ANKRD36: variants seen among roughly 807,000 people sequenced by gnomAD.
ANKRD36 encodes the protein ankyrin repeat domain 36, also known as ankyrin repeat domain-containing protein 36A.
A neutral mutation model predicts 278.1 loss-of-function variants in ANKRD36; 179 were observed. That is an observed-to-expected ratio of 0.64 (90% confidence interval 0.57 to 0.73). The LOEUF is 0.73. Ranked by LOEUF, ANKRD36 falls within the 30% of genes least tolerant of loss-of-function variation. The pLI is 0.00. For synonymous variants in ANKRD36, 320 were observed against 641.1 expected, an observed-to-expected ratio of 0.50 and a Z score of 7.57; for missense variants, 1,159 against 1,956.7, an observed-to-expected ratio of 0.59 and a Z score of 7.69.
At chr2:97,202,724 A>G (rs2061731750) in intron 48 of ANKRD36, among the ~76,000 whole-genome samples, 1 of 151,828 alleles carries the variant, frequency 6.6e-6, no homozygotes, top group Non-Finnish European at 1.5e-5. Context: ...GAGAGGAAGT[A>G]TCGATTTTAC....
At chr2:97,218,902 T>G in intron 64 of ANKRD36, 148 bp from the exon 65 acceptor site, 1 of 1,233,498 alleles carries the variant, frequency 8.1e-7, no homozygotes, top group Non-Finnish European at 1.1e-6. Flanking sequence ...TCTATCATAT[T>G]ACTGTCCCAA....
At chr2:97,208,046 A>G (rs1467760517) in intron 54 of ANKRD36, 40 bp downstream of exon 54, 1 of 1,472,146 alleles carries the variant, frequency 6.8e-7, no homozygotes, top group East Asian at 2.5e-5. Context: ...TTCAGTGCAG[A>G]TAGATAAGAA....
chr2:97,185,220 G>A (rs2057139124), intron 28 of ANKRD36, 96 bp from the exon 29 acceptor site: 1 of 1,494,498 alleles, frequency 6.7e-7, no homozygotes, highest in Non-Finnish European at 9.2e-7. Context: ...ACTAATACAG[G>A]CAGGAGCATA....
At chr2:97,199,957 A>G (rs1311703758) in intron 44 of ANKRD36, among the ~76,000 whole-genome samples, 1 of 151,882 alleles carries the variant, frequency 6.6e-6, no homozygotes, top group African/African-American at 2.4e-5. Flanking sequence ...AATTTGTTGC[A>G]TGAAAGACAT....
chr2:97,229,387 T>A (rs1343405923), intron 67 of ANKRD36, among the ~76,000 whole-genome samples: 3 of 152,090 alleles, frequency 2.0e-5, no homozygotes, highest in Admixed American at 1.3e-4. Context: ...TTTACCATTA[T>A]GTAATGGCCT....
At chr2:97,116,385 C>T (rs1341358476) in intron 1 of ANKRD36, among the ~76,000 whole-genome samples, 1 of 151,882 alleles carries the variant, frequency 6.6e-6, no homozygotes, top group Non-Finnish European at 1.5e-5. Context: ...GTGATTCTCC[C>T]ACCTCAGCCT....
At position 97,118,371 on chromosome 2, in the gene ANKRD36, G is replaced by A. The variant is rs766100274; in HGVS notation, c.340G>A (p.Ala114Thr). ...KAVQLRQEAC[A>T]TLLLQNGANP... ...TGTACAACTGAGGCAGGAGGCTTGT[G>A]CAACTCTTCTGCTGCAAAATGGCGC... The change falls in exon 3 of 76, where the codon GCA (alanine) becomes ACA (threonine). Residue 114 changes from alanine to threonine, a missense_variant. Coordinates refer to ENST00000420699, the MANE Select transcript of ANKRD36 (RefSeq NM_001354587.1). 1.2e-6 allele frequency: 2 copies of A among 1,609,704 alleles called. No individual in the cohort carries two copies. Among genetic ancestry groups the A allele is most frequent in the Middle Eastern group, 1.8e-4 (1 of 5,668 alleles).
rs1397634366 is a variant in ANKRD36 at position 97,185,355 on chromosome 2, T to C, written c.1968+11T>C. 1 of 1,610,000 alleles carries C rather than the reference T, an allele frequency of 6.2e-7. No homozygotes were observed. On this transcript the variant is annotated intron_variant, in intron 29 of 75. Coordinates refer to ENST00000420699, the MANE Select transcript of ANKRD36 (RefSeq NM_001354587.1). The stretch of plus-strand genomic sequence containing the variant: ...CAACCAGCCTCAAAGGTAATTAAAC[T>C]CTCATTTATATTTTGTATTAGTAAC...
intron 45 of ANKRD36, 36 bp from the exon 46 acceptor site, chr2:97,200,417 T>C: frequency 6.2e-7 from 1 of 1,601,594 alleles, no homozygotes; most frequent in East Asian, 2.2e-5. Flanking sequence ...CTATGAAACA[T>C]ACCTTATTTA....
chr2:97,125,775 G>A lies in ANKRD36; in HGVS notation c.731+1178G>A, dbSNP rs1405857278. ...TATCTCAAGTTTATAAAATATTTTC[G>A]GATTCTATTTCACAGGAAGCCATTC... On this transcript the variant is annotated intron_variant, in intron 5 of 75. Transcript: ENST00000420699. Among the ~76,000 whole-genome samples, 5 of 151,826 alleles carry A rather than the reference G, an allele frequency of 3.3e-5. No homozygotes were observed. The East Asian group carries it at 5.8e-4, about 18-fold the overall frequency.
chr2:97,201,106 T>C (rs1365412610), intron 46 of ANKRD36, among the ~76,000 whole-genome samples: 1 of 151,900 alleles, frequency 6.6e-6, no homozygotes, highest in Non-Finnish European at 1.5e-5. Context: ...TATTTGACTT[T>C]GGCAGCTCCA....
intron 6 of ANKRD36, among the ~76,000 whole-genome samples, chr2:97,128,626 G>C (rs13034394): frequency 3.9e-5 from 6 of 151,910 alleles, no homozygotes; most frequent in Non-Finnish European, 8.8e-5. Context: ...CAGAAGCTAC[G>C]TGCACAGGGT....
At position 97,144,819 on chromosome 2, in the gene ANKRD36, C is replaced by T. The variant is rs1432313222; in HGVS notation, c.1003+107C>T. On this transcript the variant is annotated intron_variant, in intron 10 of 75. Transcript: ENST00000420699. ...ATTGAAGCTGCGCATTCTGATTCAG[C>T]GGGCCTGAGATTCTGCATTTGTAAT... The T allele has an allele frequency of 4.3e-5, 60 of 1,384,598 alleles. 1 individual carries two copies. In the Middle Eastern group the frequency reaches 7.3e-4, roughly 17 times the overall value. 85.8% of individuals were successfully genotyped at this position (1,384,598 alleles called of 1,614,324 possible).
intron 6 of ANKRD36, among the ~76,000 whole-genome samples, chr2:97,128,165 A>G (rs988245364): frequency 7.3e-5 from 11 of 150,858 alleles, no homozygotes; most frequent in African/African-American, 2.2e-4. Flanking sequence ...CTTTCCTACA[A>G]ATCTGAGGTT....
chr2:97,211,441 C>G (rs1404456191), intron 56 of ANKRD36, 105 bp from the exon 57 acceptor site: 4 of 1,515,206 alleles, frequency 2.6e-6, no homozygotes, highest in African/African-American at 1.4e-5. Flanking sequence ...AAGGCCTACA[C>G]TAATACAGGC....
At chr2:97,218,250 A>G (rs1290166367) in intron 64 of ANKRD36, among the ~76,000 whole-genome samples, 1 of 150,414 alleles carries the variant, frequency 6.6e-6, no homozygotes, top group Non-Finnish European at 1.5e-5. Context: ...ATTGAATCCT[A>G]AAGTGATTAT....
At chr2:97,128,539 T>C (rs1368490484) in intron 6 of ANKRD36, among the ~76,000 whole-genome samples, 5 of 151,956 alleles carry the variant, frequency 3.3e-5, no homozygotes, top group African/African-American at 4.8e-5. Flanking sequence ...ATGTGGGCTA[T>C]TGATGTGATT....
intron 67 of ANKRD36, 149 bp from the exon 68 acceptor site, chr2:97,233,581 A>G (rs2072919174): frequency 7.2e-7 from 1 of 1,386,558 alleles, no homozygotes; most frequent in Non-Finnish European, 9.7e-7. Flanking sequence ...ACTAGAGTCA[A>G]CATAAAGGAA....
chr2:97,197,781 A>T (rs1213735003), intron 42 of ANKRD36, among the ~76,000 whole-genome samples: 1 of 151,928 alleles, frequency 6.6e-6, no homozygotes, highest in Non-Finnish European at 1.5e-5. Context: ...ATTTTTATTG[A>T]GGCTAAGATA....
Sources: allele counts gnomAD v4.1 joint callset (sites outside exome capture counted in the v4.1 genomes callset), GRCh38; gene constraint gnomAD v4.1.1; transcripts MANE v1.5; gene names NCBI Gene and HGNC (gene_info 2026-07-23, HGNC 2026-07-21).